The following MITF variants were observed in gnomAD, a reference collection of about 807,000 sequenced individuals.
The protein encoded by MITF is melanocyte inducing transcription factor, also known as microphthalmia-associated transcription factor.
MITF carries 17 observed loss-of-function variants against 60.5 expected under a neutral mutation model. The observed-to-expected ratio is 0.28, with a 90% CI of 0.19 to 0.42. The LOEUF (loss-of-function observed/expected upper bound fraction) is 0.42, where lower values mean the gene tolerates loss of function less well. MITF is among the 10% of genes least tolerant of loss of function. The pLI, the probability that MITF is intolerant of heterozygous loss-of-function variation, is 1.00. For missense variants in MITF, 622 were observed against 683.5 expected (o/e 0.91, Z 1.00); for synonymous variants, 260 against 248.5 (o/e 1.05, Z -0.43).
chr3:69,769,325 G>T (rs1402292864), intron 1 of MITF, among the ~76,000 whole-genome samples: 1 of 152,042 alleles, frequency 6.6e-6, no homozygotes, highest in East Asian at 1.9e-4. Flanking sequence ...TGGTAGTCTG[G>T]CACCTAGTTA....
intron 1 of MITF, among the ~76,000 whole-genome samples, chr3:69,832,689 GT>G (rs72447771): frequency 0.42 from 52,589 of 126,452 alleles, 10,001 homozygotes; most frequent in Non-Finnish European, 0.53. Flanking sequence ...CAGTGTATGT[GT>G]TTTTTTTGCC....
At chr3:69,932,675 C>T (rs1160472118) in intron 2 of MITF, among the ~76,000 whole-genome samples, 1 of 152,082 alleles carries the variant, frequency 6.6e-6, no homozygotes, top group Non-Finnish European at 1.5e-5. Flanking sequence ...ATTATATGTC[C>T]AAGGATATAT....
chr3:69,823,872 A>G (rs1416919614), intron 1 of MITF, among the ~76,000 whole-genome samples: 1 of 152,202 alleles, frequency 6.6e-6, no homozygotes, highest in African/African-American at 2.4e-5. Flanking sequence ...TTGTGGTTCA[A>G]AATATGCCCT....
At chr3:69,778,073 T>C (rs959739359) in intron 1 of MITF, among the ~76,000 whole-genome samples, 20 of 150,796 alleles carry the variant, frequency 1.3e-4, no homozygotes, top group Non-Finnish European at 1.0e-4. Context: ...GGAGAGGAGG[T>C]GGAGCTGAGA....
At chr3:69,751,125 C>G (rs1485472706) in intron 1 of MITF, among the ~76,000 whole-genome samples, 5 of 152,186 alleles carry the variant, frequency 3.3e-5, no homozygotes, top group African/African-American at 1.2e-4. Flanking sequence ...ACTGCAGTCA[C>G]TTGACTGAAA....
At chr3:69,901,337 G>T (rs549228520) in intron 2 of MITF, among the ~76,000 whole-genome samples, 1 of 151,922 alleles carries the variant, frequency 6.6e-6, no homozygotes, top group Non-Finnish European at 1.5e-5. Context: ...TAATGCAAGT[G>T]TTTTGGCTTT....
chr3:69,879,619 G>A (rs886536190), intron 2 of MITF, among the ~76,000 whole-genome samples: 1 of 152,212 alleles, frequency 6.6e-6, no homozygotes, highest in Non-Finnish European at 1.5e-5. Context: ...ATGAGAAATT[G>A]CAAGTAGGAA....
chr3:69,839,148 T>C (rs2063586018), intron 1 of MITF, among the ~76,000 whole-genome samples: 1 of 150,378 alleles, frequency 6.6e-6, no homozygotes, highest in Admixed American at 6.6e-5. Flanking sequence ...TGAAGTTCAT[T>C]TTTTTTTTTC....
chr3:69,950,864 A>T (rs1342964093), intron 6 of MITF, among the ~76,000 whole-genome samples: 1 of 152,024 alleles, frequency 6.6e-6, no homozygotes, highest in Non-Finnish European at 1.5e-5. Flanking sequence ...TATCCCAGAG[A>T]TGTCACAAGA....
At chr3:69,951,033 A>G (rs1178843853) in intron 6 of MITF, among the ~76,000 whole-genome samples, 1 of 151,992 alleles carries the variant, frequency 6.6e-6, no homozygotes, top group African/African-American at 2.4e-5. Flanking sequence ...CTTCTGAAAA[A>G]ATGAGTTCAT....
At chr3:69,880,980 T>C (rs1307598596) in intron 2 of MITF, among the ~76,000 whole-genome samples, 1 of 152,024 alleles carries the variant, frequency 6.6e-6, no homozygotes, top group Non-Finnish European at 1.5e-5. Context: ...AGAGAGGAAA[T>C]TACCCAAATG....
intron 5 of MITF, among the ~76,000 whole-genome samples, chr3:69,946,457 T>C (rs1053662001): frequency 6.6e-6 from 1 of 152,164 alleles, no homozygotes; most frequent in Non-Finnish European, 1.5e-5. Context: ...CCAGTTCTGC[T>C]GTTAACATGG....
intron 1 of MITF, among the ~76,000 whole-genome samples, chr3:69,843,446 G>A (rs775350556): frequency 5.9e-5 from 9 of 152,030 alleles, no homozygotes; most frequent in Non-Finnish European, 1.2e-4. Context: ...CTCCACCCCC[G>A]GCAATTAGTT....
Position 69,965,610 on chromosome 3 carries a change from T to A in MITF, c.*362T>A. 8.2e-6 allele frequency: 2 copies of A among 245,060 alleles called. No homozygotes were observed. Among genetic ancestry groups the A allele is most frequent in the Non-Finnish European group, 1.6e-5 (2 of 126,164 alleles). The allele number at this position is 245,060 out of a possible 1,614,324, so 15.2% of individuals were successfully genotyped here. A position where few individuals can be genotyped will look rare whatever the true frequency, so the allele number is the denominator to read the frequency against. ...TTTATGCCTGTGACTTCCTTGGAAA[T>A]CAAATGTAAAGTTTAATTGAAAGAA... On this transcript the variant is annotated 3_prime_UTR_variant, in exon 10 of 10. Coordinates refer to ENST00000352241, the MANE Select transcript of MITF (RefSeq NM_001354604.2).
chr3:69,956,555 G>A (rs2107530233), intron 8 of MITF, 25 bp downstream of exon 8: 2 of 1,581,664 alleles, frequency 1.3e-6, no homozygotes. Flanking sequence ...GTGTTAATCT[G>A]CATCATATAT....
chr3:69,833,100 A>G (rs2063478036), intron 1 of MITF, among the ~76,000 whole-genome samples: 1 of 151,852 alleles, frequency 6.6e-6, no homozygotes, highest in Non-Finnish European at 1.5e-5. Flanking sequence ...CCCTGTTTAT[A>G]CTGTATGTGG....
chr3:69,905,610 A>T (rs1385003100), intron 2 of MITF, among the ~76,000 whole-genome samples: 1 of 152,122 alleles, frequency 6.6e-6, no homozygotes, highest in Non-Finnish European at 1.5e-5. Context: ...GCAATGTATG[A>T]GAGTTCTATT....
chr3:69,937,913 A>G lies in MITF; in HGVS notation c.446A>G (p.Asn149Ser). ...VKQYLSTTLA[N>S]KHANQVLSLP... ...CAGTACCTTTCTACCACTTTAGCAA[A>G]TAAACATGCCAACCAAGTCCTGAGC... is the stretch of plus-strand genomic sequence containing the variant. The change falls in exon 3 of 10, where the codon AAT becomes AGT. Residue 149 changes from asparagine (N) to serine (S), a missense_variant. By Grantham distance (46) the Asn-to-Ser change is conservative (BLOSUM62 1). This residue lies in a region of MITF where 215 missense variants were observed against 224.8 expected (regional missense o/e 0.96). Coordinates refer to ENST00000352241, the MANE Select transcript of MITF (RefSeq NM_001354604.2). 1 of 1,614,178 alleles carries G rather than the reference A, an allele frequency of 6.2e-7. No individual in the cohort carries two copies. The highest frequency in any genetic ancestry group is 8.5e-7 in the Non-Finnish European group (1 of 1,180,020).
At chr3:69,767,901 G>T (rs2062326063) in intron 1 of MITF, among the ~76,000 whole-genome samples, 1 of 152,176 alleles carries the variant, frequency 6.6e-6, no homozygotes, top group Non-Finnish European at 1.5e-5. Context: ...CCTGAAGATA[G>T]GTTGTGATTG....
Sources: allele counts gnomAD v4.1 joint callset (sites outside exome capture counted in the v4.1 genomes callset), GRCh38; gene constraint gnomAD v4.1.1; regional missense constraint gnomAD v4.1.1; transcripts MANE v1.5; gene names NCBI Gene and HGNC (gene_info 2026-07-23, HGNC 2026-07-21).